Variants in NCF2 observed in about 807,000 individuals in gnomAD.
The protein encoded by NCF2 is neutrophil cytosolic factor 2.
NCF2 carries 45 observed loss-of-function variants against 70.9 expected under a neutral mutation model. That is an observed-to-expected ratio of 0.63 (90% confidence interval 0.50 to 0.81). The LOEUF is 0.81. NCF2 is among the 40% of genes least tolerant of loss of function. The probability of loss-of-function intolerance (pLI) is 0.00; values close to 1 mark genes in which losing one functional copy is unlikely to be tolerated. For missense variants in NCF2, 522 were observed against 631.6 expected (o/e 0.83, Z 1.86); for synonymous variants, 203 against 233.6 (o/e 0.87, Z 1.19).
upstream of NCF2, among the ~76,000 whole-genome samples, chr1:183,592,797 A>G (rs907779206): frequency 3.3e-5 from 5 of 152,166 alleles, no homozygotes; most frequent in Non-Finnish European, 5.9e-5. Context: ...CTGACTGCCA[A>G]GACTTTTCTA....
In NCF2 at chr1:183,569,016, T is replaced by C. The variant is rs1393557944; in HGVS notation, c.713+126A>G. 2.0e-5 allele frequency: 18 copies of C among 890,988 alleles called. No individual in the cohort carries two copies. The Admixed American group carries it at 2.7e-4, about 13-fold the overall frequency. The allele number at this position is 890,988 out of a possible 1,614,324, so 55.2% of individuals were successfully genotyped here. A position where few individuals can be genotyped will look rare whatever the true frequency, so the allele number is the denominator to read the frequency against. ...CTAGCCTGACATTCTAGAAGAAGCC[T>C]GACATTCCAGAAAATTCAACAAGAT... is the stretch of plus-strand genomic sequence containing the variant. On this transcript the variant is annotated intron_variant, in intron 7 of 14. Transcript: ENST00000367535.
intron 13 of NCF2, among the ~76,000 whole-genome samples, chr1:183,561,871 C>G (rs1229310766): frequency 7.1e-6 from 1 of 141,166 alleles, no homozygotes; most frequent in Non-Finnish European, 1.5e-5. Context: ...GATATCAGCT[C>G]ACTGTAACCT....
chr1:183,575,840 T>C (rs746011169), intron 3 of NCF2, among the ~76,000 whole-genome samples: 14 of 152,172 alleles, frequency 9.2e-5, no homozygotes, highest in Non-Finnish European at 1.9e-4. Context: ...GATGTTTCTG[T>C]GGCATTAGTG....
intron 2 of NCF2, among the ~76,000 whole-genome samples, chr1:183,586,548 T>A (rs546020853): frequency 5.3e-5 from 8 of 152,268 alleles, no homozygotes; most frequent in African/African-American, 1.7e-4. Context: ...TTCATGATCA[T>A]CCCCATTCTG....
upstream of NCF2, among the ~76,000 whole-genome samples, chr1:183,595,693 C>T (rs916313441): frequency 1.3e-5 from 2 of 152,202 alleles, no homozygotes; most frequent in Non-Finnish European, 2.9e-5. Context: ...ATCTCTGCTT[C>T]ATTAAGTCTC....
intron 9 of NCF2, among the ~76,000 whole-genome samples, chr1:183,566,321 T>C (rs1464592748): frequency 1.3e-5 from 2 of 152,186 alleles, no homozygotes; most frequent in African/African-American, 2.4e-5. Flanking sequence ...GACAGACTTT[T>C]GAAGTGTGAG....
chr1:183,575,253 T>C (rs747384636), intron 3 of NCF2, among the ~76,000 whole-genome samples: 1 of 152,222 alleles, frequency 6.6e-6, no homozygotes, highest in Non-Finnish European at 1.5e-5. Context: ...GTGAATCACT[T>C]GAGGTCAGGA....
upstream of NCF2, among the ~76,000 whole-genome samples, chr1:183,595,028 T>C (rs1389896482): frequency 2.6e-5 from 4 of 152,058 alleles, no homozygotes; most frequent in Non-Finnish European, 5.9e-5. Flanking sequence ...CATTGGCTAA[T>C]TAATTAAATG....
the NCF2 span, among the ~76,000 whole-genome samples, chr1:183,599,768 G>T: frequency 6.6e-6 from 1 of 151,960 alleles, no homozygotes; most frequent in Non-Finnish European, 1.5e-5. Flanking sequence ...GGCCAGGCTG[G>T]TCTCAAACTC....
At chr1:183,570,982 G>C (rs1036559734) in intron 5 of NCF2, 143 bp from the exon 6 acceptor site, 9 of 780,408 alleles carry the variant, frequency 1.2e-5, no homozygotes, top group Non-Finnish European at 2.0e-5. Context: ...AGATTCCTGA[G>C]CCTCTGGATT....
chr1:183,557,499 T>A (rs1223941020), intron 14 of NCF2, among the ~76,000 whole-genome samples: 1 of 152,222 alleles, frequency 6.6e-6, no homozygotes, highest in East Asian at 1.9e-4. Flanking sequence ...GTGATTCACA[T>A]GCACATTAAA....
intron 3 of NCF2, among the ~76,000 whole-genome samples, chr1:183,577,366 C>T (rs1455650307): frequency 1.3e-5 from 2 of 152,212 alleles, no homozygotes; most frequent in African/African-American, 2.4e-5. Context: ...TGGTCCTTTG[C>T]GCTTCACATT....
rs1572144526 is a variant in NCF2, at chr1:183,558,173, C to T, written c.1468+1923G>A. The stretch of plus-strand genomic sequence containing the variant: ...ACCAGCATGAGCCACCACGCCCAGC[C>T]TATACTACTCATATTTTTAATTAAT... On this transcript the variant is annotated intron_variant, in intron 14 of 14. Coordinates refer to ENST00000367535, the MANE Select transcript of NCF2 (RefSeq NM_000433.4). Among the ~76,000 whole-genome samples, 3 of 151,952 alleles carry T rather than the reference C, an allele frequency of 2.0e-5. No individual in the cohort carries two copies. The South Asian group carries it at 6.3e-4, about 32-fold the overall frequency.
chr1:183,556,334 C>T, intron 14 of NCF2, 104 bp from the exon 15 acceptor site: 1 of 978,618 alleles, frequency 1.0e-6, no homozygotes, highest in Non-Finnish European at 1.6e-6. Flanking sequence ...CTTCCCCACC[C>T]CTAATTGTGA....
At position 183,573,619 on chromosome 1, in the gene NCF2, C is replaced by T. The variant is rs183031007; in HGVS notation, c.502-327G>A. Among the ~76,000 whole-genome samples, 5 of 152,210 alleles carry T rather than the reference C, an allele frequency of 3.3e-5. 1 individual carries two copies. The highest frequency in any genetic ancestry group is 2.1e-4 in the South Asian group (1 of 4,812). On this transcript the variant is annotated intron_variant, in intron 4 of 14. Coordinates refer to ENST00000367535, the MANE Select transcript of NCF2 (RefSeq NM_000433.4). ...GGGCACCACCACGACAAGGCTGGCC[C>T]GGGATCAAGCAAGGCTCATGACAGT...
chr1:183,572,576 C>T (rs1227506911), intron 5 of NCF2, among the ~76,000 whole-genome samples: 4 of 152,142 alleles, frequency 2.6e-5, no homozygotes, highest in Non-Finnish European at 5.9e-5. Context: ...AAAACGTGAA[C>T]TACAAGGAGC....
chr1:183,593,485 C>T, upstream of NCF2, among the ~76,000 whole-genome samples: 1 of 152,074 alleles, frequency 6.6e-6, no homozygotes. Flanking sequence ...AGGTCATTTC[C>T]CCTCCTCCTC....
intron 3 of NCF2, among the ~76,000 whole-genome samples, chr1:183,577,108 C>T (rs1672832150): frequency 6.6e-6 from 1 of 152,194 alleles, no homozygotes; most frequent in Admixed American, 6.5e-5. Context: ...AGGTATCAAT[C>T]AAGTACATGG....
intron 2 of NCF2, among the ~76,000 whole-genome samples, chr1:183,585,274 C>A (rs1013654149): frequency 6.6e-6 from 1 of 152,108 alleles, no homozygotes; most frequent in African/African-American, 2.4e-5. Context: ...GCTCCATCCA[C>A]GCCCGGCCTC....
Sources: allele counts gnomAD v4.1 joint callset (sites outside exome capture counted in the v4.1 genomes callset), GRCh38; gene constraint gnomAD v4.1.1; transcripts MANE v1.5; gene names NCBI Gene and HGNC (gene_info 2026-07-23, HGNC 2026-07-21).